Variants in DPYD observed in about 807,000 individuals in gnomAD.
DPYD encodes the protein dihydropyrimidine dehydrogenase [NADP(+)].
Under a neutral mutation model 116.2 loss-of-function variants are expected in DPYD, and 109 were observed. The observed-to-expected ratio is 0.94, with a 90% CI of 0.80 to 1.10. The LOEUF is 1.10. Ranked by LOEUF, DPYD falls within the 50% of genes least tolerant of loss-of-function variation. The probability of loss-of-function intolerance (pLI) is 0.00; values close to 1 mark genes in which losing one functional copy is unlikely to be tolerated. For missense variants in DPYD, 1,302 were observed against 1,254.5 expected, an observed-to-expected ratio of 1.04 and a Z score of -0.57; for synonymous variants, 440 against 432.0, an observed-to-expected ratio of 1.02 and a Z score of -0.23.
intron 3 of DPYD, among the ~76,000 whole-genome samples, chr1:97,806,909 A>G (rs1668102115): frequency 6.6e-6 from 1 of 151,980 alleles, no homozygotes; most frequent in African/African-American, 2.4e-5. Context: ...TTGGAATAAT[A>G]CAGTGTGTAA....
intron 18 of DPYD, among the ~76,000 whole-genome samples, chr1:97,235,752 T>C (rs1661874440): frequency 1.3e-5 from 2 of 152,158 alleles, no homozygotes; most frequent in Non-Finnish European, 1.5e-5. Flanking sequence ...GTTGCGAACA[T>C]AGACTCTGTA....
intron 10 of DPYD, among the ~76,000 whole-genome samples, chr1:97,589,248 T>C (rs554359463): frequency 2.0e-5 from 3 of 152,230 alleles, no homozygotes; most frequent in Admixed American, 1.3e-4. Flanking sequence ...CCACATAATA[T>C]ACATGGTCTC....
intron 13 of DPYD, among the ~76,000 whole-genome samples, chr1:97,508,479 A>AT (rs1306481522): frequency 1.3e-5 from 2 of 151,870 alleles, no homozygotes; most frequent in African/African-American, 2.4e-5. Flanking sequence ...GCTCTCTTGT[A>AT]TTCTCTCTGA....
intron 20 of DPYD, among the ~76,000 whole-genome samples, chr1:97,130,765 C>CTTCCTTCCT (rs1653235188): frequency 2.4e-5 from 1 of 42,302 alleles, no homozygotes; most frequent in South Asian, 6.2e-4. Context: ...TCCTTCCTTC[C>CTTCCTTCCT]TTCCTTCCTT....
chr1:97,577,003 T>G (rs1653306820), intron 10 of DPYD, among the ~76,000 whole-genome samples: 1 of 152,212 alleles, frequency 6.6e-6, no homozygotes, highest in Admixed American at 6.5e-5. Flanking sequence ...CATATATATA[T>G]TTGTTTGGAA....
intron 20 of DPYD, among the ~76,000 whole-genome samples, chr1:97,135,946 A>ACAGC (rs1471315865): frequency 6.6e-6 from 1 of 152,226 alleles, no homozygotes; most frequent in Admixed American, 6.5e-5. Flanking sequence ...AAGGAAGAAC[A>ACAGC]CAGCCAGGAT....
chr1:97,805,601 CA>C (rs931483365), intron 3 of DPYD, among the ~76,000 whole-genome samples: 55 of 151,496 alleles, frequency 3.6e-4, no homozygotes, highest in African/African-American at 1.1e-3. Context: ...CACAGGAGGC[CA>C]GTGAATGTTC....
At chr1:97,260,811 A>G (rs559899500) in intron 18 of DPYD, among the ~76,000 whole-genome samples, 2 of 152,256 alleles carry the variant, frequency 1.3e-5, no homozygotes, top group East Asian at 3.9e-4. Context: ...CAGACTGAAC[A>G]TAACTATATA....
At chr1:97,143,984 AATT>A (rs1351558257) in intron 20 of DPYD, among the ~76,000 whole-genome samples, 4 of 152,128 alleles carry the variant, frequency 2.6e-5, no homozygotes, top group African/African-American at 9.7e-5. Flanking sequence ...CGAACAAGGA[AATT>A]ATTATTCTTG....
intron 12 of DPYD, among the ~76,000 whole-genome samples, chr1:97,540,701 C>T (rs1022212633): frequency 6.6e-6 from 1 of 152,196 alleles, no homozygotes; most frequent in African/African-American, 2.4e-5. Flanking sequence ...ATCAACTTAA[C>T]CTTCAGCCCC....
chr1:97,078,993 C>G lies in DPYD; in HGVS notation c.3061G>C (p.Val1021Leu), dbSNP rs148799944. ...YEPKRGVPLS[V>L]NPVC Reference sequence around the variant, plus strand: ...AAATCACCTTAACACACCGGATTCACAGATAAGGGTACGCCTCTCTTTGGT... The same window carrying G: ...AAATCACCTTAACACACCGGATTCAGAGATAAGGGTACGCCTCTCTTTGGT... Residue 1021 changes from valine to leucine, a missense_variant, in exon 23 of 23, where the codon GTG becomes CTG. By Grantham distance (32) the Val-to-Leu change is conservative. Coordinates refer to ENST00000370192, the MANE Select transcript of DPYD (RefSeq NM_000110.4). 156 of 1,613,514 alleles carry G rather than the reference C, an allele frequency of 9.7e-5. No homozygotes were observed. Among genetic ancestry groups the G allele is most frequent in the Non-Finnish European group, 1.2e-4 (141 of 1,179,654 alleles).
chr1:97,283,120 T>C (rs1385314117), intron 18 of DPYD, among the ~76,000 whole-genome samples: 2 of 152,142 alleles, frequency 1.3e-5, no homozygotes, highest in Admixed American at 6.5e-5. Context: ...GTACAATTGT[T>C]AAAATTTTAG....
chr1:97,412,069 G>A (rs1441129682), intron 14 of DPYD, among the ~76,000 whole-genome samples: 2 of 152,044 alleles, frequency 1.3e-5, no homozygotes, highest in East Asian at 1.9e-4. Context: ...TAAGCATACC[G>A]GGAGGAAAAT....
intron 10 of DPYD, chr1:97,586,389 C>A (rs1443406938): frequency 7.0e-6 from 1 of 142,918 alleles, no homozygotes; most frequent in Non-Finnish European, 1.5e-5. Flanking sequence ...TTAAATAAGG[C>A]CTGACAGTGA....
intron 7 of DPYD, among the ~76,000 whole-genome samples, chr1:97,683,200 A>C (rs1309172433): frequency 6.6e-6 from 1 of 152,038 alleles, no homozygotes; most frequent in East Asian, 1.9e-4. Context: ...AGAAAATAAA[A>C]TGAAGAAATT....
intron 20 of DPYD, among the ~76,000 whole-genome samples, chr1:97,106,745 A>G (rs190374643): frequency 1.7e-4 from 26 of 152,160 alleles, no homozygotes; most frequent in Non-Finnish European, 2.8e-4. Context: ...CTTGTTCTCC[A>G]GCTTGCAGAT....
intron 11 of DPYD, among the ~76,000 whole-genome samples, chr1:97,573,395 G>A (rs1347053105): frequency 6.6e-6 from 1 of 151,984 alleles, no homozygotes; most frequent in Admixed American, 6.6e-5. Flanking sequence ...ATTTTGATTT[G>A]TCTGAATCAT....
intron 3 of DPYD, among the ~76,000 whole-genome samples, chr1:97,746,574 G>C (rs770337766): frequency 3.7e-4 from 56 of 152,024 alleles, no homozygotes; most frequent in Non-Finnish European, 6.9e-4. Context: ...TCTTACCCTG[G>C]AAGATATCTG....
intron 8 of DPYD, among the ~76,000 whole-genome samples, chr1:97,660,317 A>T (rs144397283): frequency 6.6e-6 from 1 of 152,248 alleles, no homozygotes; most frequent in East Asian, 1.9e-4. Context: ...ATAAATAATC[A>T]CTAATTTCAT....
Sources: gnomAD v4.1 joint callset for allele counts (sites outside exome capture counted in the v4.1 genomes callset) on GRCh38, gnomAD v4.1.1 for gene constraint, MANE v1.5 for transcripts, NCBI Gene and HGNC (gene_info 2026-07-23, HGNC 2026-07-21) for gene names.